Variants in CERS6 observed in about 807,000 individuals in gnomAD.
The protein encoded by CERS6 is ceramide synthase 6.
In CERS6, 26 loss-of-function variants were observed where a neutral mutation model predicts 56.8. That is an observed-to-expected ratio of 0.46 (90% CI 0.34 to 0.63). The LOEUF is 0.63. Among genes scored for constraint, CERS6 ranks in the 30% least tolerant of loss-of-function variants. The pLI, the probability that CERS6 is intolerant of heterozygous loss-of-function variation, is 0.01. For synonymous variants in CERS6, 164 were observed against 173.3 expected (o/e 0.95, Z 0.42); for missense variants, 415 against 467.5 (o/e 0.89, Z 1.04).
chr2:168,723,716 G>A (rs1683257256), intron 8 of CERS6, among the ~76,000 whole-genome samples: 1 of 152,158 alleles, frequency 6.6e-6, no homozygotes, highest in Admixed American at 6.5e-5. Flanking sequence ...CCAGGTACAC[G>A]TGATGGTAAT....
chr2:168,650,064 A>G (rs1265056890), intron 4 of CERS6, among the ~76,000 whole-genome samples: 1 of 152,188 alleles, frequency 6.6e-6, no homozygotes, highest in African/African-American at 2.4e-5. Flanking sequence ...GGTAAGTGAG[A>G]CTTAAAAAAA....
intron 9 of CERS6, among the ~76,000 whole-genome samples, chr2:168,768,243 T>TG (rs1404827073): frequency 3.5e-4 from 53 of 151,694 alleles, no homozygotes; most frequent in African/African-American, 1.2e-3. Flanking sequence ...TGTTTTGTTT[T>TG]TTTTTTTAAG....
chr2:168,490,525 CTTG>C (rs143397072), intron 1 of CERS6, among the ~76,000 whole-genome samples: 3,402 of 152,302 alleles, frequency 0.022, 112 homozygotes, highest in African/African-American at 0.078. Context: ...CAGAATTCAC[CTTG>C]TTAACATTTC....
intron 6 of CERS6, among the ~76,000 whole-genome samples, chr2:168,697,143 G>T (rs564858038): frequency 6.6e-6 from 1 of 152,214 alleles, no homozygotes; most frequent in East Asian, 1.9e-4. Flanking sequence ...TGGCTTACTT[G>T]GCTGGCAAAA....
chr2:168,716,385 A>G (rs1687226849), intron 7 of CERS6, among the ~76,000 whole-genome samples: 2 of 152,106 alleles, frequency 1.3e-5, no homozygotes, highest in Admixed American at 1.3e-4. Context: ...CAATTAGCCA[A>G]CTTCATTGCC....
At chr2:168,464,381 G>A (rs1425907944) in intron 1 of CERS6, among the ~76,000 whole-genome samples, 1 of 151,976 alleles carries the variant, frequency 6.6e-6, no homozygotes, top group Non-Finnish European at 1.5e-5. Context: ...GGCTAGTTTC[G>A]AACTCTTGAT....
intron 8 of CERS6, among the ~76,000 whole-genome samples, chr2:168,733,417 A>G (rs1239358000): frequency 3.3e-5 from 5 of 152,222 alleles, no homozygotes; most frequent in Non-Finnish European, 7.3e-5. Context: ...TTTTCCCCTT[A>G]GTGAAGAGGA....
chr2:168,556,144 C>A (rs1180513149), intron 2 of CERS6, among the ~76,000 whole-genome samples: 1 of 151,926 alleles, frequency 6.6e-6, no homozygotes, highest in African/African-American at 2.4e-5. Flanking sequence ...AATTAAGAAA[C>A]CCATCCAGCT....
chr2:168,667,948 A>G (rs1685806331), intron 4 of CERS6, among the ~76,000 whole-genome samples: 3 of 152,162 alleles, frequency 2.0e-5, no homozygotes, highest in East Asian at 3.9e-4. Flanking sequence ...CTTGAGCATA[A>G]TATTTGTATT....
At chr2:168,557,399 G>A (rs192910722) in intron 2 of CERS6, among the ~76,000 whole-genome samples, 1 of 152,272 alleles carries the variant, frequency 6.6e-6, no homozygotes, top group East Asian at 1.9e-4. Flanking sequence ...AGGGTTCCTT[G>A]TGTGACCATT....
intron 1 of CERS6, among the ~76,000 whole-genome samples, chr2:168,459,689 A>G (rs924915861): frequency 6.6e-6 from 1 of 152,076 alleles, no homozygotes; most frequent in Non-Finnish European, 1.5e-5. Flanking sequence ...GTATACCATT[A>G]TATTATGTTA....
At chr2:168,601,760 T>C (rs904778291) in intron 3 of CERS6, among the ~76,000 whole-genome samples, 2 of 152,036 alleles carry the variant, frequency 1.3e-5, no homozygotes, top group African/African-American at 4.8e-5. Context: ...ATGTTGGCCA[T>C]GTTGTTCTTG....
chr2:168,687,219 G>A (rs1559052401), intron 4 of CERS6, among the ~76,000 whole-genome samples: 1 of 152,228 alleles, frequency 6.6e-6, no homozygotes, highest in Non-Finnish European at 1.5e-5. Flanking sequence ...TGCTTTACTA[G>A]CAGTGGTTCT....
chr2:168,637,182 C>G (rs543544254), intron 4 of CERS6, among the ~76,000 whole-genome samples: 1 of 152,174 alleles, frequency 6.6e-6, no homozygotes, highest in South Asian at 2.1e-4. Context: ...ATGAACTTAT[C>G]TTTAATAAAA....
chr2:168,556,727 A>T (rs1302113686), intron 2 of CERS6, among the ~76,000 whole-genome samples: 1 of 152,148 alleles, frequency 6.6e-6, no homozygotes, highest in African/African-American at 2.4e-5. Context: ...TTTCAGTAAT[A>T]TGCTATTATA....
intron 8 of CERS6, among the ~76,000 whole-genome samples, chr2:168,724,109 G>T (rs140767251): frequency 6.6e-5 from 10 of 152,250 alleles, no homozygotes; most frequent in South Asian, 2.1e-4. Flanking sequence ...TCTGGAGTCT[G>T]TCCCTTCTGA....
At chr2:168,591,132 C>T (rs1212907918) in intron 3 of CERS6, among the ~76,000 whole-genome samples, 1 of 152,154 alleles carries the variant, frequency 6.6e-6, no homozygotes, top group Non-Finnish European at 1.5e-5. Context: ...GCTGTAAACA[C>T]CTCTGTGTAT....
At chr2:168,499,897 G>A (rs776981122) in intron 1 of CERS6, among the ~76,000 whole-genome samples, 3 of 152,092 alleles carry the variant, frequency 2.0e-5, no homozygotes, top group Non-Finnish European at 4.4e-5. Flanking sequence ...TTTAGTCTGT[G>A]GAAAGCAGGA....
At chr2:168,631,574 A>ATT (rs1383214592) in intron 4 of CERS6, among the ~76,000 whole-genome samples, 25 of 118,418 alleles carry the variant, frequency 2.1e-4, no homozygotes, top group South Asian at 4.6e-4. Flanking sequence ...TATTAAATAT[A>ATT]ATATATATTT....
Sources: allele counts gnomAD v4.1 joint callset (sites outside exome capture counted in the v4.1 genomes callset), GRCh38; gene constraint gnomAD v4.1.1; transcripts MANE v1.5; gene names NCBI Gene and HGNC (gene_info 2026-07-23, HGNC 2026-07-21).